Variants in TTC7B observed in about 807,000 individuals in gnomAD.
TTC7B encodes the protein tetratricopeptide repeat domain 7B.
Under a neutral mutation model 106.8 loss-of-function variants are expected in TTC7B, and 28 were observed. The ratio of observed to expected loss-of-function variants is 0.26; its 90% confidence interval spans 0.19 to 0.36. The LOEUF is 0.36. TTC7B is among the 10% of genes least tolerant of loss of function. TTC7B has a pLI of 1.00. For missense variants in TTC7B, 862 were observed against 1,076.4 expected (o/e 0.80, Z 2.79); for synonymous variants, 405 against 430.6 (o/e 0.94, Z 0.74).
chr14:90,580,976 C>T (rs534795628), intron 18 of TTC7B, among the ~76,000 whole-genome samples: 12 of 152,258 alleles, frequency 7.9e-5, no homozygotes, highest in East Asian at 1.9e-4. Flanking sequence ...TCAGCCTGGC[C>T]GGTCCCTCCC....
intron 15 of TTC7B, among the ~76,000 whole-genome samples, chr14:90,627,039 T>C (rs4904716): frequency 0.27 from 41,108 of 151,954 alleles, 6,178 homozygotes; most frequent in African/African-American, 0.41. Flanking sequence ...CAGGCTAAAG[T>C]GCAGTGGCTC....
intron 3 of TTC7B, among the ~76,000 whole-genome samples, chr14:90,770,275 G>T (rs1209211135): frequency 6.6e-6 from 1 of 152,174 alleles, no homozygotes; most frequent in Admixed American, 6.5e-5. Flanking sequence ...AATACATGAA[G>T]CAAAAAATTC....
At chr14:90,553,410 A>G (rs185156733) in intron 19 of TTC7B, among the ~76,000 whole-genome samples, 65 of 152,316 alleles carry the variant, frequency 4.3e-4, no homozygotes, top group African/African-American at 1.3e-3. Context: ...AGAACTCCTC[A>G]GGGTTTGGGG....
intron 14 of TTC7B, among the ~76,000 whole-genome samples, chr14:90,646,166 A>G (rs1885439965): frequency 6.6e-6 from 1 of 152,234 alleles, no homozygotes; most frequent in East Asian, 1.9e-4. Flanking sequence ...AGACAGGTGC[A>G]TACCTCAGCC....
Position 90,780,885 on chromosome 14 carries a change from T to A in TTC7B, c.298A>T (p.Asn100Tyr), listed in dbSNP as rs767362110. The A allele has an allele frequency of 2.5e-6, 4 of 1,614,184 alleles. No homozygotes were observed. In the Admixed American group the frequency reaches 6.7e-5, roughly 27 times the overall value. The part of the protein sequence containing the change: ...NLKSEFLQES[N>Y]LIMAKLNYVE... Reference sequence around the variant, plus strand: ...TAATTCAACTTGGCCATGATCAGATTGGATTCTTGTAGGAATTCTGACTAG... The same window carrying A: ...TAATTCAACTTGGCCATGATCAGATAGGATTCTTGTAGGAATTCTGACTAG... The change falls in exon 3 of 20, where the codon AAT (asparagine) becomes TAT (tyrosine). Residue 100 changes from asparagine to tyrosine, a missense_variant. Physicochemically the swap from Asn to Tyr is moderately radical, Grantham distance 143. Coordinates refer to ENST00000328459, the MANE Select transcript of TTC7B (RefSeq NM_001010854.2).
chr14:90,694,652 A>G (rs1887611298), intron 6 of TTC7B, among the ~76,000 whole-genome samples: 1 of 142,854 alleles, frequency 7.0e-6, no homozygotes, highest in Admixed American at 7.2e-5. Context: ...CATATGTCAC[A>G]TATATTTATT....
intron 3 of TTC7B, among the ~76,000 whole-genome samples, chr14:90,779,119 C>G (rs1420492716): frequency 2.0e-5 from 3 of 152,156 alleles, no homozygotes; most frequent in Admixed American, 6.5e-5. Context: ...CAGCAGATGG[C>G]CAGAAGGACA....
intron 2 of TTC7B, among the ~76,000 whole-genome samples, chr14:90,785,929 T>C (rs1313370545): frequency 2.0e-5 from 3 of 152,172 alleles, no homozygotes; most frequent in African/African-American, 7.2e-5. Flanking sequence ...TAAGTGGCAT[T>C]GTGCAGATGA....
At chr14:90,763,295 T>C (rs1239524288) in intron 3 of TTC7B, among the ~76,000 whole-genome samples, 2 of 151,860 alleles carry the variant, frequency 1.3e-5, no homozygotes, top group East Asian at 3.8e-4. Flanking sequence ...ACACGAACAA[T>C]GCAATAAAAA....
At chr14:90,753,448 A>G (rs1447402597) in intron 3 of TTC7B, among the ~76,000 whole-genome samples, 1 of 152,270 alleles carries the variant, frequency 6.6e-6, no homozygotes, top group Admixed American at 6.5e-5. Flanking sequence ...GACACAAAGC[A>G]AAGCCTTGGC....
rs2030578342 is a variant in TTC7B at position 90,805,910 on chromosome 14, T to G, written c.121+10265A>C. 6.6e-6 allele frequency among the ~76,000 whole-genome samples: 1 copy of G among 152,192 alleles called. No individual in the cohort carries two copies. On this transcript the variant is annotated intron_variant, in intron 1 of 19. Transcript: ENST00000328459. This position sits in a 1 kb window ranked among gnomAD's most constrained non-coding sequence, Gnocchi z 4.0. Reference sequence around the variant, plus strand: ...GGAAGGTGGGGCTGTGGCCTTTGCCTCTGGAAGGGACTGCCCTTCCTCCTG... The same window carrying G: ...GGAAGGTGGGGCTGTGGCCTTTGCCGCTGGAAGGGACTGCCCTTCCTCCTG...
At chr14:90,609,122 G>A (rs1030602941) in intron 17 of TTC7B, among the ~76,000 whole-genome samples, 3 of 152,214 alleles carry the variant, frequency 2.0e-5, no homozygotes, top group African/African-American at 7.2e-5. Flanking sequence ...CAGGAGCTGG[G>A]ATGATGCAGA....
chr14:90,664,385 T>C (rs914446687), intron 9 of TTC7B, among the ~76,000 whole-genome samples: 1 of 152,186 alleles, frequency 6.6e-6, no homozygotes, highest in Non-Finnish European at 1.5e-5. Context: ...TTCGCCTGCC[T>C]CAGCCTCCGG....
At chr14:90,583,674 A>G (rs1891596365) in intron 18 of TTC7B, among the ~76,000 whole-genome samples, 1 of 152,076 alleles carries the variant, frequency 6.6e-6, no homozygotes, top group Non-Finnish European at 1.5e-5. Context: ...AGGGACAGAT[A>G]TTCTGTCCTG....
Position 90,695,484 on chromosome 14 carries a change from C to A in TTC7B, c.777+16G>T. On this transcript the variant is annotated intron_variant, in intron 6 of 19. Coordinates refer to ENST00000328459, the MANE Select transcript of TTC7B (RefSeq NM_001010854.2). ...AGTGCCCTGCTGGCCTCAATCAAGT[C>A]ACTGTTCACACTTACCATTCGCAGG... 1 of 1,538,740 alleles carries A rather than the reference C, an allele frequency of 6.5e-7. No homozygotes were observed. The highest frequency in any genetic ancestry group is 1.3e-5 in the South Asian group (1 of 79,440).
chr14:90,745,821 C>T (rs2140003247), intron 3 of TTC7B, among the ~76,000 whole-genome samples: 1 of 151,812 alleles, frequency 6.6e-6, no homozygotes, highest in African/African-American at 2.4e-5. Context: ...TCTTCTGTCT[C>T]AGCCTCCCAG....
rs1892380296 is a variant in TTC7B at position 90,600,482 on chromosome 14, G to A, written c.1967-6856C>T. 6.6e-6 allele frequency among the ~76,000 whole-genome samples: 1 copy of A among 152,198 alleles called. No individual in the cohort carries two copies. The highest frequency in any genetic ancestry group is 2.1e-4 in the South Asian group (1 of 4,832). ...ATAAATCACCTTGGTCACCATTCTA[G>A]TAGACACTTCCATTTTTCACCAAGT... On this transcript the variant is annotated intron_variant, in intron 17 of 19. Transcript: ENST00000328459. This position sits in a 1 kb window ranked among gnomAD's most constrained non-coding sequence, Gnocchi z 4.3.
intron 16 of TTC7B, among the ~76,000 whole-genome samples, chr14:90,611,295 G>T (rs1191578756): frequency 6.6e-6 from 1 of 152,082 alleles, no homozygotes; most frequent in Non-Finnish European, 1.5e-5. Flanking sequence ...AATCACCCAG[G>T]ACATCTCTAA....
intron 4 of TTC7B, 84 bp downstream of exon 4, chr14:90,744,708 A>C: frequency 7.0e-7 from 1 of 1,435,474 alleles, no homozygotes; most frequent in Non-Finnish European, 9.6e-7. Context: ...ACAAGTTGAA[A>C]GCTTCCTAGA....
Sources: gnomAD v4.1 joint callset for allele counts (sites outside exome capture counted in the v4.1 genomes callset) on GRCh38, gnomAD v4.1.1 for gene constraint, Gnocchi (gnomAD v3.1) non-coding constraint, MANE v1.5 for transcripts, NCBI Gene and HGNC (gene_info 2026-07-23, HGNC 2026-07-21) for gene names.